PPP2R3A: variants seen among roughly 807,000 people sequenced by gnomAD.
PPP2R3A encodes the protein serine/threonine-protein phosphatase 2A regulatory subunit B'' subunit alpha.
Under a neutral mutation model 106.9 loss-of-function variants are expected in PPP2R3A, and 80 were observed. That is an observed-to-expected ratio of 0.75 (90% CI 0.62 to 0.90). The LOEUF is 0.90. Ranked by LOEUF, PPP2R3A falls within the 40% of genes least tolerant of loss-of-function variation. PPP2R3A has a pLI of 0.00. For synonymous variants in PPP2R3A, 483 were observed against 468.3 expected, an observed-to-expected ratio of 1.03 and a Z score of -0.41; for missense variants, 1,386 against 1,350.4, an observed-to-expected ratio of 1.03 and a Z score of -0.41.
At position 136,082,425 on chromosome 3, in the gene PPP2R3A, A is replaced by G. The variant is rs1251396345; in HGVS notation, c.2788+4A>G. 7.4e-6 allele frequency: 12 copies of G among 1,612,756 alleles called. No homozygotes were observed. Among genetic ancestry groups the G allele is most frequent in the Non-Finnish European group, 1.0e-5 (12 of 1,178,962 alleles). On this transcript the variant is annotated splice_donor_region_variant and intron_variant, in intron 8 of 13. Transcript: ENST00000264977. ...CTGTCTCGATACAATGACCAGGGTAAGTGATTCTGTAGATGCTAAGACTTA... is the reference window on the plus strand; with the variant it reads ...CTGTCTCGATACAATGACCAGGGTAGGTGATTCTGTAGATGCTAAGACTTA...
At chr3:136,075,628 G>T (rs888672791) in intron 6 of PPP2R3A, among the ~76,000 whole-genome samples, 6 of 152,098 alleles carry the variant, frequency 3.9e-5, no homozygotes, top group African/African-American at 1.4e-4. Flanking sequence ...TCAAAAAGAA[G>T]AGGAGAAAAA....
intron 2 of PPP2R3A, among the ~76,000 whole-genome samples, chr3:136,021,651 A>G (rs1267499594): frequency 6.6e-6 from 1 of 152,170 alleles, no homozygotes; most frequent in Non-Finnish European, 1.5e-5. Flanking sequence ...TTCTAGACAT[A>G]GAAAAATATT....
At chr3:136,135,451 G>A (rs1050801404) in intron 13 of PPP2R3A, among the ~76,000 whole-genome samples, 6 of 152,122 alleles carry the variant, frequency 3.9e-5, no homozygotes, top group African/African-American at 1.4e-4. Context: ...ATCAACTAGG[G>A]TTTCATCTCA....
intron 5 of PPP2R3A, chr3:136,055,318 T>G: frequency 1.1e-6 from 1 of 913,774 alleles, no homozygotes; most frequent in Non-Finnish European, 1.8e-6. Flanking sequence ...TCAACATCTT[T>G]ACATTGCTCA....
At chr3:136,116,580 G>A (rs571676412) in intron 13 of PPP2R3A, among the ~76,000 whole-genome samples, 38 of 152,212 alleles carry the variant, frequency 2.5e-4, no homozygotes, top group African/African-American at 8.7e-4. Context: ...GAAAGAAGCA[G>A]GAGTTCCAAT....
At chr3:136,046,467 A>G (rs9837355) in intron 4 of PPP2R3A, among the ~76,000 whole-genome samples, 34,856 of 151,692 alleles carry the variant, frequency 0.23, 4,802 homozygotes, top group Non-Finnish European at 0.32. Context: ...AAAAAAAAAA[A>G]AGAAATCCAG....
At position 136,026,844 on chromosome 3, in the gene PPP2R3A, C is replaced by T. The variant is rs1211558657; in HGVS notation, c.2008C>T (p.Pro670Ser). Residue 670 changes from proline to serine, a missense_variant, in exon 3 of 14, where the codon CCA becomes TCA. Physicochemically the swap from Pro to Ser is moderately conservative, Grantham distance 74. Transcript: ENST00000264977. Reference sequence around the variant, plus strand: ...ATTTTTCTTTTAGATTCAAAATAAACCAGAAAAGAAACCTGGAACACCACT... The same window carrying T: ...ATTTTTCTTTTAGATTCAAAATAAATCAGAAAAGAAACCTGGAACACCACT... ...TPEVIKIQNK[P>S]EKKPGTPLPP... is the part of the protein sequence containing the mutation. 1.2e-6 allele frequency: 2 copies of T among 1,603,950 alleles called. No individual in the cohort carries two copies. The highest frequency in any genetic ancestry group is 1.7e-5 in the Admixed American group (1 of 58,128).
intron 2 of PPP2R3A, among the ~76,000 whole-genome samples, chr3:136,017,811 C>G (rs1482867738): frequency 6.6e-6 from 1 of 152,230 alleles, no homozygotes; most frequent in Non-Finnish European, 1.5e-5. Context: ...GATTTCCCAG[C>G]CTCACTGTGC....
At chr3:136,068,933 A>T (rs558222480) in intron 5 of PPP2R3A, among the ~76,000 whole-genome samples, 1 of 152,322 alleles carries the variant, frequency 6.6e-6, no homozygotes, top group South Asian at 2.1e-4. Flanking sequence ...AAAAATGTGT[A>T]ACCTTAATCA....
chr3:135,978,584 TC>T (rs148063276), intron 1 of PPP2R3A, among the ~76,000 whole-genome samples: 1,687 of 151,836 alleles, frequency 0.011, 63 homozygotes, highest in African/African-American at 0.038. Context: ...GGTGATTCTA[TC>T]CAGTTTGGCT....
intron 13 of PPP2R3A, among the ~76,000 whole-genome samples, chr3:136,124,276 G>A (rs1383258146): frequency 6.6e-6 from 1 of 152,130 alleles, no homozygotes; most frequent in Non-Finnish European, 1.5e-5. Flanking sequence ...GATTGCGTGG[G>A]GCCAGGAGTT....
chr3:136,107,384 G>A (rs554457201), intron 13 of PPP2R3A, among the ~76,000 whole-genome samples: 2 of 150,516 alleles, frequency 1.3e-5, no homozygotes, highest in South Asian at 4.2e-4. Flanking sequence ...CTTCCAAAGA[G>A]CCTCTCTCTC....
chr3:136,119,767 AAGTT>A (rs1485144498), intron 13 of PPP2R3A, among the ~76,000 whole-genome samples: 1 of 152,218 alleles, frequency 6.6e-6, no homozygotes, highest in Non-Finnish European at 1.5e-5. Flanking sequence ...GTGGGAGTAT[AAGTT>A]AGTTCAACCA....
At position 136,070,545 on chromosome 3, in the gene PPP2R3A, T is replaced by C. The variant is rs1485490272; in HGVS notation, c.2537T>C (p.Ile846Thr). The C allele has an allele frequency of 4.3e-6, 7 of 1,609,272 alleles. No homozygotes were observed. In the African/African-American group the frequency reaches 6.7e-5, roughly 15 times the overall value. The change falls in exon 6 of 14, where the codon ATC becomes ACC. Residue 846 changes from isoleucine to threonine, a missense_variant. Coordinates refer to ENST00000264977, the MANE Select transcript of PPP2R3A (RefSeq NM_002718.5). ...GCTCCAGAATTCCACTCCCGCTACA[T>C]CACCACGGTAGGCTGAGTCATCTTT... ...KDAPEFHSRY[I>T]TTVIQRIFYT...
At chr3:136,045,296 C>T (rs1273333269) in intron 4 of PPP2R3A, among the ~76,000 whole-genome samples, 3 of 152,214 alleles carry the variant, frequency 2.0e-5, no homozygotes, top group African/African-American at 7.2e-5. Flanking sequence ...TGGTGCTCGA[C>T]CTCAGGGAGC....
At chr3:136,018,596 G>A (rs1163458220) in intron 2 of PPP2R3A, among the ~76,000 whole-genome samples, 1 of 152,202 alleles carries the variant, frequency 6.6e-6, no homozygotes, top group East Asian at 1.9e-4. Context: ...AGAATGTGTT[G>A]TGTTTCACAG....
In PPP2R3A at chr3:136,130,610, A is replaced by G. The variant is rs184805001; in HGVS notation, c.3330-14433A>G. Among the ~76,000 whole-genome samples the G allele has an allele frequency of 1.5e-4, 23 of 152,324 alleles. 1 individual carries two copies. The East Asian group carries it at 3.5e-3, about 23-fold the overall frequency. ...CAAAGTAATTTATAGATGCAGTGCC[A>G]TCCCCTTCAAGCTACCAATGACTTT... On this transcript the variant is annotated intron_variant, in intron 13 of 13. Coordinates refer to ENST00000264977, the MANE Select transcript of PPP2R3A (RefSeq NM_002718.5).
At position 136,070,461 on chromosome 3, in the gene PPP2R3A, G is replaced by A; in HGVS notation, c.2470-17G>A. On this transcript the variant is annotated splice_polypyrimidine_tract_variant and intron_variant, in intron 5 of 13. Transcript: ENST00000264977. ...TTGTATGTTTGTTAATTTAGTTTTG[G>A]TTTTGATCTTTTTCAGGATGTGGTG... 6.3e-7 allele frequency: 1 copy of A among 1,582,226 alleles called. No individual in the cohort carries two copies. Among genetic ancestry groups the A allele is most frequent in the South Asian group, 1.2e-5 (1 of 85,380 alleles).
chr3:136,003,935 G>A (rs575803734), intron 2 of PPP2R3A, among the ~76,000 whole-genome samples: 1 of 152,210 alleles, frequency 6.6e-6, no homozygotes, highest in East Asian at 1.9e-4. Flanking sequence ...GTGTAGACCT[G>A]TGTAAGGTTA....
Sources: allele counts gnomAD v4.1 joint callset (sites outside exome capture counted in the v4.1 genomes callset), GRCh38; gene constraint gnomAD v4.1.1; transcripts MANE v1.5; gene names NCBI Gene and HGNC (gene_info 2026-07-23, HGNC 2026-07-21).